POLR3H: variants seen among roughly 807,000 people sequenced by gnomAD.
POLR3H encodes the protein RNA polymerase III subunit H.
In POLR3H, 17 loss-of-function variants were observed where a neutral mutation model predicts 25.5. That is an observed-to-expected ratio of 0.67 (90% CI 0.46 to 1.00). The LOEUF (loss-of-function observed/expected upper bound fraction) is 1.00, where lower values mean the gene tolerates loss of function less well. Ranked by LOEUF, POLR3H falls within the 50% of genes least tolerant of loss-of-function variation. The probability of loss-of-function intolerance (pLI) is 0.00; values close to 1 mark genes in which losing one functional copy is unlikely to be tolerated. For missense variants in POLR3H, 274 were observed against 265.0 expected (o/e 1.03, Z -0.24); for synonymous variants, 129 against 103.0 (o/e 1.25, Z -1.53).
At position 41,528,528 on chromosome 22, in the gene POLR3H, T is replaced by G. The variant is rs1427553035; in HGVS notation, c.*755A>C. On this transcript the variant is annotated 3_prime_UTR_variant, in exon 6 of 6. Coordinates refer to ENST00000355209, the MANE Select transcript of POLR3H (RefSeq NM_001018050.4). Reference sequence around the variant, plus strand: ...CCCAACGGGACCCAGGAGACCATCCTCCTGAACCACACCTTCAACGAGACG... The same window carrying G: ...CCCAACGGGACCCAGGAGACCATCCGCCTGAACCACACCTTCAACGAGACG... 6.2e-7 allele frequency: 1 copy of G among 1,612,948 alleles called. No homozygotes were observed. The highest frequency in any genetic ancestry group is 2.2e-5 in the East Asian group (1 of 44,856).
rs1392351289 is a variant in POLR3H, at chr22:41,526,676, TAGTG to T, written c.*2603_*2606del. 1.6e-5 allele frequency: 8 copies of T among 501,470 alleles called. No individual in the cohort carries two copies. Among genetic ancestry groups the T allele is most frequent in the East Asian group, 3.1e-5 (1 of 31,946 alleles). 31.1% of individuals were successfully genotyped at this position (501,470 alleles called of 1,614,324 possible). Reference sequence around the variant, plus strand: ...GCCGGGTCCCTGCACCAGGAGGAGTTAGTGAGAGATATCTTAGGATATCTGGCCC... The same window carrying T: ...GCCGGGTCCCTGCACCAGGAGGAGTTAGAGATATCTTAGGATATCTGGCCC... On this transcript the variant is annotated 3_prime_UTR_variant, in exon 6 of 6. Transcript: ENST00000355209.
chr22:41,529,033 G>A lies in POLR3H; in HGVS notation c.*250C>T. ...GTTTGTTGTCAAGTCCAGGGTCCAG[G>A]AAGGGTCTTTTCAGTCAAGGTCAGT... On this transcript the variant is annotated 3_prime_UTR_variant, in exon 6 of 6. Coordinates refer to ENST00000355209, the MANE Select transcript of POLR3H (RefSeq NM_001018050.4). 1 of 566,450 alleles carries A rather than the reference G, an allele frequency of 1.8e-6. No homozygotes were observed. Among genetic ancestry groups the A allele is most frequent in the Non-Finnish European group, 3.1e-6 (1 of 319,504 alleles). 35.1% of individuals were successfully genotyped at this position (566,450 alleles called of 1,614,324 possible).
rs2066979581 is a variant in POLR3H, at chr22:41,544,132, G to A, written c.-31C>T. 1 of 1,454,070 alleles carries A rather than the reference G, an allele frequency of 6.9e-7. No homozygotes were observed. Among genetic ancestry groups the A allele is most frequent in the Non-Finnish European group, 9.6e-7 (1 of 1,038,076 alleles). The allele number at this position is 1,454,070 out of a possible 1,614,324, so 90.1% of individuals were successfully genotyped here. On this transcript the variant is annotated 5_prime_UTR_variant, in exon 1 of 6. Coordinates refer to ENST00000355209, the MANE Select transcript of POLR3H (RefSeq NM_001018050.4). Reference sequence around the variant, plus strand: ...CCTGCGCTGGGGGCTCTGGGAACAGGAGGGTCAGTCACGCACCAGGGCCGG... The same window carrying A: ...CCTGCGCTGGGGGCTCTGGGAACAGAAGGGTCAGTCACGCACCAGGGCCGG...
intron 1 of POLR3H, among the ~76,000 whole-genome samples, chr22:41,543,585 C>G (rs1226686479): frequency 6.6e-6 from 1 of 152,138 alleles, no homozygotes. Flanking sequence ...CGCGCCACTG[C>G]ACTCCAGCCT....
Position 41,527,601 on chromosome 22 carries a change from T to C in POLR3H, c.*1682A>G, listed in dbSNP as rs1017816969. The stretch of plus-strand genomic sequence containing the variant: ...CACATCCGACGCTCAGCTTCCCGGC[T>C]TCCCGCAGGCCCTGCTTCCAGGCTT... On this transcript the variant is annotated 3_prime_UTR_variant, in exon 6 of 6. Coordinates refer to ENST00000355209, the MANE Select transcript of POLR3H (RefSeq NM_001018050.4). The C allele has an allele frequency of 1.1e-6, 1 of 919,914 alleles. No individual in the cohort carries two copies. 57.0% of individuals were successfully genotyped at this position (919,914 alleles called of 1,614,324 possible). A position where few individuals can be genotyped will look rare whatever the true frequency, so the allele number is the denominator to read the frequency against.
chr22:41,533,648 C>CA, intron 2 of POLR3H: 1 of 1,304,002 alleles, frequency 7.7e-7, no homozygotes, highest in South Asian at 1.2e-5. Context: ...ACCCTGGCAT[C>CA]AGCAGGGCAT....
chr22:41,543,477 G>C (rs1248470799), intron 1 of POLR3H, among the ~76,000 whole-genome samples: 2 of 152,072 alleles, frequency 1.3e-5, no homozygotes, highest in Non-Finnish European at 2.9e-5. Context: ...AATTAGCTGG[G>C]GGTGGTGGCG....
At chr22:41,533,944 G>A (rs2145552028) in intron 2 of POLR3H, among the ~76,000 whole-genome samples, 1 of 152,226 alleles carries the variant, frequency 6.6e-6, no homozygotes, top group African/African-American at 2.4e-5. Context: ...TTTGAGACCA[G>A]CCTGGCCAAC....
chr22:41,529,152 C>T lies in POLR3H; in HGVS notation c.*131G>A. The T allele has an allele frequency of 1.4e-6, 1 of 734,326 alleles. No homozygotes were observed. The highest frequency in any genetic ancestry group is 2.2e-6 in the Non-Finnish European group (1 of 447,434). 45.5% of individuals were successfully genotyped at this position (734,326 alleles called of 1,614,324 possible). A position where few individuals can be genotyped will look rare whatever the true frequency, so the allele number is the denominator to read the frequency against. On this transcript the variant is annotated 3_prime_UTR_variant, in exon 6 of 6. Transcript: ENST00000355209. ...TGGAGGAGCGGGGCAAGCTGGTGGGCACTCCTGGCCTTGCCTCACTGTCCA... is the reference window on the plus strand; with the variant it reads ...TGGAGGAGCGGGGCAAGCTGGTGGGTACTCCTGGCCTTGCCTCACTGTCCA...
rs1601934614 is a variant in POLR3H, at chr22:41,526,762, A to G, written c.*2521T>C. The G allele has an allele frequency of 2.2e-5, 8 of 364,044 alleles. No homozygotes were observed. The South Asian group carries it at 2.9e-4, about 13-fold the overall frequency. 22.6% of individuals were successfully genotyped at this position (364,044 alleles called of 1,614,324 possible). A position where few individuals can be genotyped will look rare whatever the true frequency, so the allele number is the denominator to read the frequency against. On this transcript the variant is annotated 3_prime_UTR_variant, in exon 6 of 6. Transcript: ENST00000355209. ...GAAGTCAGAGGCCAAAAGCTCAGAGAGGGGGCTACACGGGGCCTCACAGTG... is the reference window on the plus strand; with the variant it reads ...GAAGTCAGAGGCCAAAAGCTCAGAGGGGGGGCTACACGGGGCCTCACAGTG...
rs2066671764 is a variant in POLR3H, at chr22:41,529,288, T to C, written c.610A>G (p.Asn204Asp). 1 of 1,613,412 alleles carries C rather than the reference T, an allele frequency of 6.2e-7. No homozygotes were observed. The highest frequency in any genetic ancestry group is 8.5e-7 in the Non-Finnish European group (1 of 1,179,742). The change falls in exon 6 of 6, where the codon AAC becomes GAC. Residue 204 changes from asparagine (N) to aspartate (D), a missense_variant. Physicochemically the swap from Asn to Asp is conservative, Grantham distance 23 (BLOSUM62 1). Transcript: ENST00000355209. ...GLGLLSWWTSN is the reference protein window; with the variant it reads ...GLGLLSWWTSD ...TCCACTGTCCAGCCCCAGGGCTAGT[T>C]GCTGGTCCACCAGGAGAGAAGGCCC...
At chr22:41,529,757 TTTG>T (rs1329061112) in intron 5 of POLR3H, 10 of 448,842 alleles carry the variant, frequency 2.2e-5, no homozygotes, top group South Asian at 4.9e-5. Context: ...CTACCTTTTT[TTTG>T]TTGTTTTTTT....
In POLR3H at chr22:41,528,153, T is replaced by C; in HGVS notation, c.*1130A>G. 1 of 1,403,416 alleles carries C rather than the reference T, an allele frequency of 7.1e-7. No homozygotes were observed. Among genetic ancestry groups the C allele is most frequent in the Non-Finnish European group, 9.7e-7 (1 of 1,035,870 alleles). The allele number at this position is 1,403,416 out of a possible 1,614,324, so 86.9% of individuals were successfully genotyped here. On this transcript the variant is annotated 3_prime_UTR_variant, in exon 6 of 6. Coordinates refer to ENST00000355209, the MANE Select transcript of POLR3H (RefSeq NM_001018050.4). ...CTGGAAAGGCCCCCAGTTCTCCAGG[T>C]GGCCCCACAGAGAAAGCAAAGTGGC...
intron 1 of POLR3H, chr22:41,543,770 T>G (rs2066970708): frequency 2.9e-6 from 2 of 684,846 alleles, no homozygotes; most frequent in Non-Finnish European, 5.5e-6. Flanking sequence ...GCAAAGTAAT[T>G]TAGAATTGTG....
intron 4 of POLR3H, among the ~76,000 whole-genome samples, chr22:41,531,660 G>A (rs570501781): frequency 6.6e-6 from 1 of 152,366 alleles, no homozygotes; most frequent in Non-Finnish European, 1.5e-5. Context: ...GTGGGACAGG[G>A]ACAACGGAGG....
intron 2 of POLR3H, among the ~76,000 whole-genome samples, chr22:41,535,228 A>C (rs1282801651): frequency 6.6e-6 from 1 of 152,128 alleles, no homozygotes; most frequent in Admixed American, 6.6e-5. Flanking sequence ...CATTGATGAG[A>C]TCTGTCTTCA....
In POLR3H at chr22:41,528,700, C is replaced by T; in HGVS notation, c.*583G>A. On this transcript the variant is annotated 3_prime_UTR_variant, in exon 6 of 6. Transcript: ENST00000355209. ...ATCCGATCCGTCCAGCCATGGCTTC[C>T]TATTCCAAGATGGTGTGACCAGACA... 1 of 1,528,042 alleles carries T rather than the reference C, an allele frequency of 6.5e-7. No homozygotes were observed. The highest frequency in any genetic ancestry group is 1.2e-5 in the South Asian group (1 of 80,754). 94.7% of individuals were successfully genotyped at this position (1,528,042 alleles called of 1,614,324 possible).
Position 41,526,556 on chromosome 22 carries a change from C to A in POLR3H, c.*2727G>T. 7.5e-7 allele frequency: 1 copy of A among 1,327,488 alleles called. No individual in the cohort carries two copies. 82.2% of individuals were successfully genotyped at this position (1,327,488 alleles called of 1,614,324 possible). Reference sequence around the variant, plus strand: ...GGGGAGTGGAAACTGGGAAGGAGGCCGACCAAGCCCAAAGGGGACTGCTGT... The same window carrying A: ...GGGGAGTGGAAACTGGGAAGGAGGCAGACCAAGCCCAAAGGGGACTGCTGT... On this transcript the variant is annotated 3_prime_UTR_variant, in exon 6 of 6. Transcript: ENST00000355209.
rs1018228178 is a variant in POLR3H, at chr22:41,526,847, C to G, written c.*2436G>C. 7 of 301,174 alleles carry G rather than the reference C, an allele frequency of 2.3e-5. No individual in the cohort carries two copies. Among genetic ancestry groups the G allele is most frequent in the South Asian group, 4.8e-5 (1 of 21,018 alleles). The allele number at this position is 301,174 out of a possible 1,614,324, so 18.7% of individuals were successfully genotyped here. ...TTCTGCTTTGAGAAACAAACAGAAC[C>G]AGGGCTGAACCCAAGTCCTGGCCCA... is the stretch of plus-strand genomic sequence containing the variant. On this transcript the variant is annotated 3_prime_UTR_variant, in exon 6 of 6. Transcript: ENST00000355209.
Sources: allele counts gnomAD v4.1 joint callset (sites outside exome capture counted in the v4.1 genomes callset), GRCh38; gene constraint gnomAD v4.1.1; transcripts MANE v1.5; gene names NCBI Gene and HGNC (gene_info 2026-07-23, HGNC 2026-07-21).